The following CRY1 variants were observed in gnomAD, a reference collection of about 807,000 sequenced individuals.
CRY1 encodes the protein cryptochrome-1.
Under a neutral mutation model 76.0 loss-of-function variants are expected in CRY1, and 45 were observed. The observed-to-expected ratio is 0.59, with a 90% confidence interval of 0.47 to 0.76. The LOEUF (loss-of-function observed/expected upper bound fraction) is 0.76. CRY1 is among the 30% of genes least tolerant of loss of function. The pLI is 0.00. For synonymous variants in CRY1, 248 were observed against 244.0 expected, an observed-to-expected ratio of 1.02 and a Z score of -0.15; for missense variants, 587 against 716.4, an observed-to-expected ratio of 0.82 and a Z score of 2.06.
chr12:107,006,308 C>T (rs1245804724), intron 2 of CRY1, among the ~76,000 whole-genome samples: 3 of 152,032 alleles, frequency 2.0e-5, no homozygotes, highest in African/African-American at 7.2e-5. Flanking sequence ...ATCACTTGAA[C>T]CCGGGAGGTG....
chr12:107,061,748 A>T lies in CRY1; in HGVS notation c.158+31056T>A, dbSNP rs566335677. Among the ~76,000 whole-genome samples the T allele has an allele frequency of 3.3e-5, 5 of 152,318 alleles. No homozygotes were observed. The East Asian group carries it at 9.6e-4, about 29-fold the overall frequency. On this transcript the variant is annotated intron_variant, in intron 1 of 12. Coordinates refer to ENST00000008527, the MANE Select transcript of CRY1 (RefSeq NM_004075.5). ...TCTTCAAATCCTATTTCAATGCACA[A>T]AAATACACATTTTTCTTACCATATC...
chr12:107,044,131 A>T (rs1393174150), intron 1 of CRY1, among the ~76,000 whole-genome samples: 1 of 152,176 alleles, frequency 6.6e-6, no homozygotes, highest in Non-Finnish European at 1.5e-5. Context: ...TTGCCAAAAC[A>T]GGGTCATGAG....
At chr12:107,015,084 G>C (rs1347657615) in intron 2 of CRY1, among the ~76,000 whole-genome samples, 3 of 152,224 alleles carry the variant, frequency 2.0e-5, no homozygotes, top group Admixed American at 6.5e-5. Flanking sequence ...CACCATGTTG[G>C]TCAGGCTGGT....
At chr12:107,080,058 T>C (rs910479620) in intron 1 of CRY1, among the ~76,000 whole-genome samples, 2 of 152,150 alleles carry the variant, frequency 1.3e-5, no homozygotes, top group Non-Finnish European at 2.9e-5. Flanking sequence ...TTTATGTAAC[T>C]ATTTTATTTC....
chr12:107,060,653 C>T (rs1280342942), intron 1 of CRY1, among the ~76,000 whole-genome samples: 3 of 152,124 alleles, frequency 2.0e-5, no homozygotes, highest in African/African-American at 7.2e-5. Flanking sequence ...AGGAACTGAA[C>T]GCAGGTCTTT....
chr12:107,037,621 CTGAG>C (rs1009358904), intron 1 of CRY1, among the ~76,000 whole-genome samples: 6 of 152,082 alleles, frequency 3.9e-5, no homozygotes, highest in African/African-American at 1.4e-4. Flanking sequence ...AGTTTTTACT[CTGAG>C]TGAGTTGGGA....
chr12:107,026,446 C>T (rs1241723095), intron 1 of CRY1, among the ~76,000 whole-genome samples: 1 of 151,886 alleles, frequency 6.6e-6, no homozygotes, highest in Non-Finnish European at 1.5e-5. Context: ...GTTGGCCAGG[C>T]TGGTCTTGAA....
At chr12:106,998,805 G>A (rs1952264329) in intron 7 of CRY1, among the ~76,000 whole-genome samples, 1 of 152,012 alleles carries the variant, frequency 6.6e-6, no homozygotes, top group South Asian at 2.1e-4. Context: ...CACTTTGGGA[G>A]GCTGAGGCAG....
chr12:107,022,141 G>A lies in CRY1; in HGVS notation c.210C>T (p.Asn70=), dbSNP rs1004289263. 1.9e-6 allele frequency: 3 copies of A among 1,602,010 alleles called. No homozygotes were observed. The highest frequency in any genetic ancestry group is 1.7e-6 in the Non-Finnish European group (2 of 1,173,960). ...GTCCACGAATCACAAACAGACGGGAGTTTAATTTTCGTAGATTGGCATCAA... is the reference window on the plus strand; with the variant it reads ...GTCCACGAATCACAAACAGACGGGAATTTAATTTTCGTAGATTGGCATCAA... ...EDLDANLRKL[N]SRLFVIRGQP... Residue 70 remains asparagine, a synonymous_variant, in exon 2 of 13, where the codon AAC becomes AAT. Coordinates refer to ENST00000008527, the MANE Select transcript of CRY1 (RefSeq NM_004075.5).
chr12:107,065,444 A>T (rs1287583697), intron 1 of CRY1, among the ~76,000 whole-genome samples: 1 of 152,042 alleles, frequency 6.6e-6, no homozygotes, highest in Non-Finnish European at 1.5e-5. Context: ...AATACAAAAA[A>T]ATTAACCAAG....
chr12:107,023,169 TTGTC>T (rs780200835), intron 1 of CRY1, among the ~76,000 whole-genome samples: 33 of 152,328 alleles, frequency 2.2e-4, no homozygotes, highest in Non-Finnish European at 3.8e-4. Flanking sequence ...GGTTAAGTAT[TTGTC>T]TGCCTTTTTC....
At chr12:107,026,644 A>T (rs1485071803) in intron 1 of CRY1, among the ~76,000 whole-genome samples, 2 of 152,156 alleles carry the variant, frequency 1.3e-5, no homozygotes, top group African/African-American at 4.8e-5. Context: ...CAAATGACCT[A>T]GTAGGGGTGT....
chr12:107,053,491 TA>T lies in CRY1; in HGVS notation c.159-31300del, dbSNP rs1303910509. Among the ~76,000 whole-genome samples the T allele has an allele frequency of 1.4e-4, 22 of 152,276 alleles. No homozygotes were observed. In the South Asian group the frequency reaches 4.4e-3, roughly 30 times the overall value. ...GCCACCACACCCGACAAATTTTTTGTATTTTTAGTAGAGAGGGGGTTTCTCC... is the reference window on the plus strand; with the variant it reads ...GCCACCACACCCGACAAATTTTTTGTTTTTTAGTAGAGAGGGGGTTTCTCC... On this transcript the variant is annotated intron_variant, in intron 1 of 12. Transcript: ENST00000008527.
intron 1 of CRY1, among the ~76,000 whole-genome samples, chr12:107,044,978 C>A (rs569885547): frequency 3.3e-4 from 50 of 152,206 alleles, no homozygotes; most frequent in Non-Finnish European, 4.4e-4. Flanking sequence ...TAGCAGAAAA[C>A]TTCTCAAGTC....
chr12:107,053,129 G>T (rs73184251), intron 1 of CRY1, among the ~76,000 whole-genome samples: 1,631 of 152,074 alleles, frequency 0.011, 21 homozygotes, highest in Non-Finnish European at 0.014. Flanking sequence ...ATTTGAAAAA[G>T]AACCAAAGAA....
At chr12:107,009,101 T>C (rs1349669295) in intron 2 of CRY1, among the ~76,000 whole-genome samples, 1 of 152,270 alleles carries the variant, frequency 6.6e-6, no homozygotes, top group Admixed American at 6.5e-5. Flanking sequence ...TGTTGAATTA[T>C]GTCAGATGCG....
At chr12:107,082,325 C>T (rs1296230886) in intron 1 of CRY1, among the ~76,000 whole-genome samples, 1 of 152,086 alleles carries the variant, frequency 6.6e-6, no homozygotes, top group African/African-American at 2.4e-5. Context: ...AGGACTTGAA[C>T]TCAACTCCGG....
At chr12:107,057,143 C>G (rs962098749) in intron 1 of CRY1, among the ~76,000 whole-genome samples, 1 of 151,974 alleles carries the variant, frequency 6.6e-6, no homozygotes, top group Non-Finnish European at 1.5e-5. Context: ...ACTTACAATA[C>G]AGAAGAGCAA....
chr12:107,058,242 C>T (rs1167306795), intron 1 of CRY1, among the ~76,000 whole-genome samples: 2 of 152,022 alleles, frequency 1.3e-5, no homozygotes, highest in South Asian at 2.1e-4. Context: ...GAATGCAGAA[C>T]GTCCTCTTCC....
Sources: allele counts gnomAD v4.1 joint callset (sites outside exome capture counted in the v4.1 genomes callset), GRCh38; gene constraint gnomAD v4.1.1; transcripts MANE v1.5; gene names NCBI Gene and HGNC (gene_info 2026-07-23, HGNC 2026-07-21).